The following AGBL4 variants were observed in gnomAD, a reference collection of about 807,000 sequenced individuals.
AGBL4 encodes AGBL carboxypeptidase 4.
In AGBL4, 58 loss-of-function variants were observed where a neutral mutation model predicts 66.4. The observed-to-expected ratio is 0.87, with a 90% confidence interval of 0.71 to 1.09. The LOEUF (loss-of-function observed/expected upper bound fraction) is 1.09, where lower values mean the gene tolerates loss of function less well. Ranked by LOEUF, AGBL4 falls within the 50% of genes least tolerant of loss-of-function variation. The pLI is 0.00. For missense variants in AGBL4, 579 were observed against 631.0 expected, an observed-to-expected ratio of 0.92 and a Z score of 0.88; for synonymous variants, 234 against 222.9, an observed-to-expected ratio of 1.05 and a Z score of -0.44.
intron 1 of AGBL4, among the ~76,000 whole-genome samples, chr1:49,861,963 A>C (rs577128784): frequency 2.6e-5 from 4 of 152,160 alleles, no homozygotes; most frequent in Non-Finnish European, 5.9e-5. Flanking sequence ...CTAAATACCT[A>C]ACTCTTCAAT....
At chr1:49,733,371 G>A (rs905845033) in intron 2 of AGBL4, among the ~76,000 whole-genome samples, 2 of 152,160 alleles carry the variant, frequency 1.3e-5, no homozygotes, top group African/African-American at 4.8e-5. Context: ...TAAACATGTG[G>A]GTAAAGATGT....
intron 3 of AGBL4, among the ~76,000 whole-genome samples, chr1:49,458,557 GTGAT>G (rs1453049824): frequency 6.6e-6 from 1 of 151,544 alleles, no homozygotes; most frequent in African/African-American, 2.4e-5. Context: ...CTTCTCTTGT[GTGAT>G]TGCTCTGACT....
intron 7 of AGBL4, 111 bp from the exon 8 acceptor site, chr1:48,653,562 T>TTGTG (rs1345693089): frequency 4.0e-6 from 3 of 747,766 alleles, no homozygotes; most frequent in Non-Finnish European, 6.7e-6. Context: ...TTGGCCTGTG[T>TTGTG]TGTTATTGGC....
chr1:49,660,758 A>G (rs1453752321), intron 3 of AGBL4, among the ~76,000 whole-genome samples: 1 of 152,224 alleles, frequency 6.6e-6, no homozygotes, highest in Admixed American at 6.5e-5. Flanking sequence ...ACACCATGGA[A>G]TACTATGGAG....
chr1:49,106,189 A>G (rs563412557), intron 4 of AGBL4, among the ~76,000 whole-genome samples: 2 of 152,340 alleles, frequency 1.3e-5, no homozygotes, highest in African/African-American at 4.8e-5. Context: ...AGATATATCC[A>G]TAACGGGCAG....
At chr1:48,608,859 T>C (rs1645193307) in intron 9 of AGBL4, among the ~76,000 whole-genome samples, 2 of 152,154 alleles carry the variant, frequency 1.3e-5, no homozygotes, top group East Asian at 3.9e-4. Context: ...GATCAATAGC[T>C]AGATAACAAT....
chr1:49,206,690 G>A lies in AGBL4; in HGVS notation c.377+39080C>T, dbSNP rs149406920. 6.9e-3 allele frequency among the ~76,000 whole-genome samples: 1,047 copies of A among 152,096 alleles called. 12 individuals carry two copies. Among genetic ancestry groups the A allele is most frequent in the Non-Finnish European group, 9.6e-3 (655 of 67,966 alleles). On this transcript the variant is annotated intron_variant, in intron 4 of 13. Transcript: ENST00000371839. Reference sequence around the variant, plus strand: ...CATTTGGGCCATACACTGCACCTGCGTCACTGACAAAAAAATCAAGTAAAG... The same window carrying A: ...CATTTGGGCCATACACTGCACCTGCATCACTGACAAAAAAATCAAGTAAAG...
intron 12 of AGBL4, 104 bp from the exon 13 acceptor site, chr1:48,535,020 A>G: frequency 9.5e-7 from 1 of 1,052,944 alleles, no homozygotes; most frequent in South Asian, 1.4e-5. Flanking sequence ...TGTTTTTAAC[A>G]CCCAAACGGA....
intron 1 of AGBL4, among the ~76,000 whole-genome samples, chr1:49,943,841 T>G (rs895905428): frequency 6.6e-6 from 1 of 151,930 alleles, no homozygotes; most frequent in Non-Finnish European, 1.5e-5. Flanking sequence ...CAGGGAAGCA[T>G]GAAAGCCCTA....
intron 5 of AGBL4, among the ~76,000 whole-genome samples, chr1:48,906,335 T>C (rs558165249): frequency 2.6e-5 from 4 of 152,214 alleles, no homozygotes; most frequent in Non-Finnish European, 5.9e-5. Flanking sequence ...GTGCCAGGCA[T>C]CATGCTAGGC....
intron 6 of AGBL4, among the ~76,000 whole-genome samples, chr1:48,709,627 A>C (rs1307708785): frequency 7.0e-6 from 1 of 143,650 alleles, no homozygotes; most frequent in African/African-American, 2.5e-5. Flanking sequence ...TTTGAGATGG[A>C]ATCTTGCTCT....
At chr1:48,833,811 G>T (rs914999864) in intron 6 of AGBL4, among the ~76,000 whole-genome samples, 3 of 152,144 alleles carry the variant, frequency 2.0e-5, no homozygotes, top group African/African-American at 7.2e-5. Context: ...GAGCTATTTA[G>T]CTATAAATGT....
chr1:49,598,628 G>C (rs577769760), intron 3 of AGBL4, among the ~76,000 whole-genome samples: 1 of 152,076 alleles, frequency 6.6e-6, no homozygotes, highest in South Asian at 2.1e-4. Context: ...TGCCCCTACT[G>C]GGGGGTGCCT....
intron 3 of AGBL4, among the ~76,000 whole-genome samples, chr1:49,291,618 A>G (rs1644534966): frequency 6.6e-6 from 1 of 152,228 alleles, no homozygotes; most frequent in Non-Finnish European, 1.5e-5. Context: ...AGTTGATAGA[A>G]TATCTTGCAA....
intron 2 of AGBL4, among the ~76,000 whole-genome samples, chr1:49,704,303 T>C (rs1419950554): frequency 6.6e-6 from 1 of 152,024 alleles, no homozygotes; most frequent in African/African-American, 2.4e-5. Flanking sequence ...TGAAACAGAA[T>C]GGAGAGTACA....
chr1:49,018,123 C>A (rs1215741806), intron 5 of AGBL4, among the ~76,000 whole-genome samples: 2 of 152,172 alleles, frequency 1.3e-5, no homozygotes, highest in Non-Finnish European at 2.9e-5. Context: ...TCCTACCTGA[C>A]CCCGCCTTTG....
chr1:49,998,871 C>A (rs548519061), intron 1 of AGBL4, among the ~76,000 whole-genome samples: 5 of 152,168 alleles, frequency 3.3e-5, no homozygotes, highest in Admixed American at 2.6e-4. Flanking sequence ...AAGCAGTTGA[C>A]AAAATCCAGC....
chr1:49,523,516 A>C (rs1199635508), intron 3 of AGBL4, among the ~76,000 whole-genome samples: 3 of 152,068 alleles, frequency 2.0e-5, no homozygotes, highest in Non-Finnish European at 4.4e-5. Context: ...TGATTCCAAA[A>C]AACTGGTATT....
chr1:48,970,808 T>A (rs1364308702), intron 5 of AGBL4, among the ~76,000 whole-genome samples: 1 of 152,132 alleles, frequency 6.6e-6, no homozygotes, highest in East Asian at 1.9e-4. Context: ...CTATGAGTGC[T>A]ACTTCCGGCA....
Sources: allele counts gnomAD v4.1 joint callset (sites outside exome capture counted in the v4.1 genomes callset), GRCh38; gene constraint gnomAD v4.1.1; transcripts MANE v1.5; gene names NCBI Gene and HGNC (gene_info 2026-07-23, HGNC 2026-07-21).